Variants in SUSD5 observed in about 807,000 individuals in gnomAD.
SUSD5 encodes sushi domain-containing protein 5.
In SUSD5, 33 loss-of-function variants were observed where a neutral mutation model predicts 29.5. The observed-to-expected ratio is 1.12, with a 90% CI of 0.85 to 1.49. The LOEUF (loss-of-function observed/expected upper bound fraction) is 1.49. Among genes scored for constraint, SUSD5 ranks in the 40% most tolerant of loss-of-function variants. SUSD5 has a pLI of 0.00. For synonymous variants in SUSD5, 308 were observed against 325.3 expected (o/e 0.95, Z 0.57); for missense variants, 776 against 800.6 (o/e 0.97, Z 0.37).
chr3:33,175,215 C>G, intron 3 of SUSD5, 141 bp from the exon 4 acceptor site: 1 of 856,010 alleles, frequency 1.2e-6, no homozygotes, highest in Middle Eastern at 3.4e-4. Flanking sequence ...TCTTGGTCAC[C>G]CTGGCAACTC....
At chr3:33,215,798 A>G (rs1190978797) in intron 1 of SUSD5, among the ~76,000 whole-genome samples, 4 of 152,204 alleles carry the variant, frequency 2.6e-5, no homozygotes, top group African/African-American at 9.6e-5. Flanking sequence ...CTGAAATAAA[A>G]CATGTCAACT....
At chr3:33,157,297 G>A (rs941903863) in intron 4 of SUSD5, among the ~76,000 whole-genome samples, 1 of 152,154 alleles carries the variant, frequency 6.6e-6, no homozygotes, top group Non-Finnish European at 1.5e-5. Context: ...AAGATTTTGT[G>A]TGCATAAATT....
chr3:33,150,748 A>G lies in SUSD5; in HGVS notation c.*1994T>C, dbSNP rs1559440660. On this transcript the variant is annotated 3_prime_UTR_variant, in exon 5 of 5. Transcript: ENST00000309558. ...TATTACTTTTCCAAAGCTTGCTGAA[A>G]AGAGGTGGCAGGGTAGAAAACATGT... The G allele has an allele frequency of 6.6e-6, 1 of 152,204 alleles. No homozygotes were observed. Among genetic ancestry groups the G allele is most frequent in the Non-Finnish European group, 1.5e-5 (1 of 68,036 alleles). The allele number at this position is 152,204 out of a possible 1,614,324, so 9.4% of individuals were successfully genotyped here. A position where few individuals can be genotyped will look rare whatever the true frequency, so the allele number is the denominator to read the frequency against.
In SUSD5 at chr3:33,152,957, A is replaced by C; in HGVS notation, c.1675T>G (p.Leu559Val). The change falls in exon 5 of 5, where the codon TTG (leucine) becomes GTG (valine). Residue 559 changes from leucine to valine, a missense_variant. Transcript: ENST00000309558. ...PGASEELHPT[L>V]ESCVGDGCPG... ...CATCCGTCCCCCACACACGACTCCAAGGTGGGATGAAGCTCCTCACTTGCA... is the reference window on the plus strand; with the variant it reads ...CATCCGTCCCCCACACACGACTCCACGGTGGGATGAAGCTCCTCACTTGCA... 1 of 1,613,996 alleles carries C rather than the reference A, an allele frequency of 6.2e-7. No individual in the cohort carries two copies. Among genetic ancestry groups the C allele is most frequent in the Non-Finnish European group, 8.5e-7 (1 of 1,179,878 alleles).
chr3:33,215,475 CACTT>C (rs1408589080), intron 1 of SUSD5, among the ~76,000 whole-genome samples: 1 of 152,078 alleles, frequency 6.6e-6, no homozygotes, highest in Non-Finnish European at 1.5e-5. Context: ...ATATATGAAA[CACTT>C]ATATAGTGTT....
At chr3:33,207,535 A>G (rs947027732) in intron 3 of SUSD5, among the ~76,000 whole-genome samples, 13 of 152,308 alleles carry the variant, frequency 8.5e-5, no homozygotes, top group Admixed American at 8.5e-4. Flanking sequence ...TTACATACAT[A>G]CACTATCTCC....
At position 33,175,521 on chromosome 3, in the gene SUSD5, G is replaced by A. The variant is rs552339552; in HGVS notation, c.410-447C>T. Among the ~76,000 whole-genome samples, 6 of 151,190 alleles carry A rather than the reference G, an allele frequency of 4.0e-5. No individual in the cohort carries two copies. In the South Asian group the frequency reaches 8.3e-4, roughly 21 times the overall value. On this transcript the variant is annotated intron_variant, in intron 3 of 4. Transcript: ENST00000309558. ...CAACCTCAACACCAACAGCAACACCGTTATCAGTTTGGTATACACAAAAAT... is the reference window on the plus strand; with the variant it reads ...CAACCTCAACACCAACAGCAACACCATTATCAGTTTGGTATACACAAAAAT...
chr3:33,175,854 A>C (rs914191624), intron 3 of SUSD5, among the ~76,000 whole-genome samples: 1 of 152,132 alleles, frequency 6.6e-6, no homozygotes, highest in Non-Finnish European at 1.5e-5. Context: ...ATTATCACCC[A>C]AAGTCCATAA....
In SUSD5 at chr3:33,151,342, C is replaced by T. The variant is rs920483446; in HGVS notation, c.*1400G>A. On this transcript the variant is annotated 3_prime_UTR_variant, in exon 5 of 5. Coordinates refer to ENST00000309558, the MANE Select transcript of SUSD5 (RefSeq NM_015551.2). Reference sequence around the variant, plus strand: ...GAGAACCACTGCCATAAACCATCCTCGCTGAGCCACCCTAAGATGATTTAG... The same window carrying T: ...GAGAACCACTGCCATAAACCATCCTTGCTGAGCCACCCTAAGATGATTTAG... The T allele has an allele frequency of 1.3e-5, 2 of 152,144 alleles. No individual in the cohort carries two copies. Among genetic ancestry groups the T allele is most frequent in the Admixed American group, 1.3e-4 (2 of 15,264 alleles). The allele number at this position is 152,144 out of a possible 1,614,324, so 9.4% of individuals were successfully genotyped here.
intron 3 of SUSD5, 57 bp downstream of exon 3, chr3:33,207,751 T>C: frequency 1.3e-5 from 15 of 1,196,828 alleles, no homozygotes; most frequent in Non-Finnish European, 1.8e-5. Flanking sequence ...ACCAACCTCA[T>C]ATAGCAATCC....
At chr3:33,216,839 T>C (rs1318170032) in intron 1 of SUSD5, among the ~76,000 whole-genome samples, 3 of 152,206 alleles carry the variant, frequency 2.0e-5, no homozygotes, top group African/African-American at 7.2e-5. Flanking sequence ...AATCCTTTGA[T>C]AATATAGCTT....
chr3:33,205,421 T>G (rs2032200341), intron 3 of SUSD5, among the ~76,000 whole-genome samples: 1 of 152,200 alleles, frequency 6.6e-6, no homozygotes, highest in African/African-American at 2.4e-5. Flanking sequence ...TGTGATTAGA[T>G]TCAGTTACAC....
At chr3:33,163,453 G>T (rs192970157) in intron 4 of SUSD5, among the ~76,000 whole-genome samples, 121 of 152,184 alleles carry the variant, frequency 8.0e-4, no homozygotes, top group Non-Finnish European at 1.4e-3. Flanking sequence ...TGAAAAAAAG[G>T]AGTTTTAGAA....
chr3:33,153,253 A>G lies in SUSD5; in HGVS notation c.1379T>C (p.Ile460Thr), dbSNP rs755370772. ...RPVNASETEGIGDGDLTKYQS... is the reference protein window; with the variant it reads ...RPVNASETEGTGDGDLTKYQS... ...GTACTTCGTCAAGTCACCATCCCCA[A>G]TGCCCTCAGTCTCGGAAGCATTCAC... is the stretch of plus-strand genomic sequence containing the variant. The change falls in exon 5 of 5, where the codon ATT becomes ACT. Residue 460 changes from isoleucine (I) to threonine (T), a missense_variant. Transcript: ENST00000309558. 70 of 1,613,784 alleles carry G rather than the reference A, an allele frequency of 4.3e-5. No homozygotes were observed. The East Asian group carries it at 7.4e-4, about 17-fold the overall frequency.
At chr3:33,206,542 T>C (rs2032223758) in intron 3 of SUSD5, among the ~76,000 whole-genome samples, 1 of 151,994 alleles carries the variant, frequency 6.6e-6, no homozygotes, top group African/African-American at 2.4e-5. Flanking sequence ...CTTGACTGGA[T>C]CAATGATGGC....
intron 3 of SUSD5, among the ~76,000 whole-genome samples, chr3:33,178,443 T>TG (rs368016435): frequency 0.034 from 4,867 of 145,250 alleles, 134 homozygotes; most frequent in Non-Finnish European, 0.051. Flanking sequence ...TAGTTTTTTT[T>TG]TTGTTGTTGT....
Position 33,153,160 on chromosome 3 carries a change from G to C in SUSD5, c.1472C>G (p.Thr491Ser). The C allele has an allele frequency of 1.9e-6, 3 of 1,613,860 alleles. No individual in the cohort carries two copies. The highest frequency in any genetic ancestry group is 2.5e-6 in the Non-Finnish European group (3 of 1,179,840). ...SPMATLSYEL[T>S]SSTLEILTVN... ...TGTTAATATCTCCAGGGTGGAGCTG[G>C]TGAGCTCATAGGACAGGGTGGCCAT... is the stretch of plus-strand genomic sequence containing the variant. Residue 491 changes from threonine (T) to serine (S), a missense_variant, in exon 5 of 5, where the codon ACC becomes AGC. Coordinates refer to ENST00000309558, the MANE Select transcript of SUSD5 (RefSeq NM_015551.2).
At chr3:33,174,480 C>T (rs1053625608) in intron 4 of SUSD5, among the ~76,000 whole-genome samples, 2 of 152,170 alleles carry the variant, frequency 1.3e-5, no homozygotes, top group Admixed American at 1.3e-4. Flanking sequence ...CTTCCTAACA[C>T]ATATTCATTA....
At chr3:33,218,292 G>A (rs1277952545) in intron 1 of SUSD5, among the ~76,000 whole-genome samples, 1 of 152,184 alleles carries the variant, frequency 6.6e-6, no homozygotes, top group Non-Finnish European at 1.5e-5. Context: ...CTAACCATCG[G>A]CGGTGTCCTC....
Sources: gnomAD v4.1 joint callset for allele counts (sites outside exome capture counted in the v4.1 genomes callset) on GRCh38, gnomAD v4.1.1 for gene constraint, MANE v1.5 for transcripts, NCBI Gene and HGNC (gene_info 2026-07-23, HGNC 2026-07-21) for gene names.